DCP2: variants seen among roughly 807,000 people sequenced by gnomAD.
DCP2 encodes decapping mRNA 2, also known as m7GpppN-mRNA hydrolase.
DCP2 carries 30 observed loss-of-function variants against 56.1 expected under a neutral mutation model. The observed-to-expected ratio is 0.53, with a 90% CI of 0.40 to 0.73. The LOEUF is 0.73. DCP2 is among the 30% of genes least tolerant of loss of function. The pLI, the probability that DCP2 is intolerant of heterozygous loss-of-function variation, is 0.00. For synonymous variants in DCP2, 197 were observed against 163.3 expected (o/e 1.21, Z -1.57); for missense variants, 533 against 502.7 (o/e 1.06, Z -0.58).
rs1749829191 is a variant in DCP2 at position 113,015,067 on chromosome 5, A to G, written c.*1583A>G. 1 of 152,682 alleles carries G rather than the reference A, an allele frequency of 6.5e-6. No homozygotes were observed. Among genetic ancestry groups the G allele is most frequent in the African/African-American group, 2.4e-5 (1 of 41,474 alleles). 9.5% of individuals were successfully genotyped at this position (152,682 alleles called of 1,614,324 possible). ...CAATTAAAGCAGTGTGTATAGAATT[A>G]TGATATTCAGAATCCTGCATCTTTT... On this transcript the variant is annotated 3_prime_UTR_variant, in exon 11 of 11. Transcript: ENST00000389063.
At chr5:113,013,299 A>G (rs1561707560) in intron 10 of DCP2, 22 bp from the exon 11 acceptor site, 2 of 1,594,742 alleles carry the variant, frequency 1.3e-6, no homozygotes, top group South Asian at 1.1e-5. Context: ...GAGCTTATTT[A>G]TTTTGTTTTT....
rs1369435163 is a variant in DCP2 at position 113,016,925 on chromosome 5, T to G, written c.*3441T>G. 1 of 140,302 alleles carries G rather than the reference T, an allele frequency of 7.1e-6. No homozygotes were observed. Among genetic ancestry groups the G allele is most frequent in the Non-Finnish European group, 1.5e-5 (1 of 66,018 alleles). The allele number at this position is 140,302 out of a possible 1,614,324, so 8.7% of individuals were successfully genotyped here. Reference sequence around the variant, plus strand: ...GGTGCAATTTCGGCTCACCGCAACCTACGCCTCCCGGGTTCAAGTGATTCT... The same window carrying G: ...GGTGCAATTTCGGCTCACCGCAACCGACGCCTCCCGGGTTCAAGTGATTCT... On this transcript the variant is annotated 3_prime_UTR_variant, in exon 11 of 11. Transcript: ENST00000389063.
chr5:113,005,821 T>C (rs1749404001), intron 8 of DCP2, among the ~76,000 whole-genome samples: 1 of 152,220 alleles, frequency 6.6e-6, no homozygotes, highest in African/African-American at 2.4e-5. Context: ...CATTCAGCTT[T>C]AAAGGAATGA....
At chr5:112,984,239 G>A (rs1748141243) in intron 1 of DCP2, 2 of 152,228 alleles carry the variant, frequency 1.3e-5, no homozygotes, top group South Asian at 4.1e-4. Context: ...TGATGGATCT[G>A]AAAAGAAAAT....
At chr5:112,977,970 T>C (rs1336061713) in intron 1 of DCP2, among the ~76,000 whole-genome samples, 1 of 152,028 alleles carries the variant, frequency 6.6e-6, no homozygotes, top group Non-Finnish European at 1.5e-5. Flanking sequence ...TTTTTTTGTT[T>C]GTTTGTTTTT....
At chr5:113,006,752 TTG>T (rs1447017384) in intron 8 of DCP2, among the ~76,000 whole-genome samples, 3 of 152,212 alleles carry the variant, frequency 2.0e-5, no homozygotes, top group African/African-American at 7.2e-5. Context: ...TAAGAATTTT[TTG>T]GTAGGAAAAT....
At chr5:112,982,927 C>T (rs560119080) in intron 1 of DCP2, among the ~76,000 whole-genome samples, 55 of 152,212 alleles carry the variant, frequency 3.6e-4, no homozygotes, top group African/African-American at 1.1e-3. Flanking sequence ...TTCATTAATA[C>T]GCTTCTCCTT....
intron 1 of DCP2, among the ~76,000 whole-genome samples, chr5:112,982,465 CA>C (rs1748052801): frequency 1.3e-5 from 2 of 152,132 alleles, no homozygotes; most frequent in Non-Finnish European, 2.9e-5. Context: ...TGCTTGTGCG[CA>C]TTTTAAGTTA....
At chr5:112,981,671 C>T (rs1375002080) in intron 1 of DCP2, among the ~76,000 whole-genome samples, 1 of 152,136 alleles carries the variant, frequency 6.6e-6, no homozygotes, top group African/African-American at 2.4e-5. Context: ...ATTCTCCGTT[C>T]TTATATCCTA....
At position 113,001,160 on chromosome 5, in the gene DCP2, A is replaced by G. The variant is rs1749158760; in HGVS notation, c.509A>G (p.Gln170Arg). The stretch of plus-strand genomic sequence containing the variant: ...TACATTGAACTTCGAATCAATGACC[A>G]GCTTGCTCGTTTGTACATCATTCCA... ...DDYIELRIND[Q>R]LARLYIIPGI... The change falls in exon 5 of 11, where the codon CAG becomes CGG. Residue 170 changes from glutamine (Q) to arginine (R), a missense_variant. This residue lies in a region of DCP2 where 392 missense variants were observed against 346.6 expected (regional missense o/e 1.13). Coordinates refer to ENST00000389063, the MANE Select transcript of DCP2 (RefSeq NM_152624.6). 6.2e-7 allele frequency: 1 copy of G among 1,613,826 alleles called. No homozygotes were observed. Among genetic ancestry groups the G allele is most frequent in the African/African-American group, 1.3e-5 (1 of 74,932 alleles).
intron 4 of DCP2, 118 bp downstream of exon 4, chr5:112,992,888 A>C: frequency 5.7e-6 from 3 of 530,232 alleles, no homozygotes; most frequent in Non-Finnish European, 8.8e-6. Context: ...ACTTGAGTGC[A>C]TGAAGTAACT....
chr5:113,000,890 A>C (rs1049235199), intron 4 of DCP2, among the ~76,000 whole-genome samples, 194 bp from the exon 5 acceptor site: 1 of 152,204 alleles, frequency 6.6e-6, no homozygotes, highest in Non-Finnish European at 1.5e-5. Flanking sequence ...ACCTGTGGAT[A>C]CAGTATTAGA....
chr5:112,995,146 A>G (rs1748791077), intron 4 of DCP2, among the ~76,000 whole-genome samples: 1 of 152,198 alleles, frequency 6.6e-6, no homozygotes, highest in South Asian at 2.1e-4. Flanking sequence ...TTTAAATTTG[A>G]TATGGAACAG....
Position 113,012,128 on chromosome 5 carries a change from C to T in DCP2, c.1100-1193C>T, listed in dbSNP as rs541421229. Among the ~76,000 whole-genome samples, 25 of 152,046 alleles carry T rather than the reference C, an allele frequency of 1.6e-4. No homozygotes were observed. The South Asian group carries it at 3.7e-3, about 23-fold the overall frequency. On this transcript the variant is annotated intron_variant, in intron 10 of 10. Transcript: ENST00000389063. The stretch of plus-strand genomic sequence containing the variant: ...TTATTTCACAGAATCTTTTAAAAGC[C>T]GTATATTCAGGGACATTAAAAAAGG...
rs533006852 is a variant in DCP2, at chr5:113,007,690, C to T, written c.943-248C>T. ...GGGATTACAGGCATGAGCCACTGCG[C>T]CCGGCCGAGGTGTGGAAAGATTTCT... is the stretch of plus-strand genomic sequence containing the variant. On this transcript the variant is annotated intron_variant, in intron 8 of 10. Transcript: ENST00000389063. 2.4e-4 allele frequency among the ~76,000 whole-genome samples: 36 copies of T among 151,920 alleles called. No homozygotes were observed. In the East Asian group the frequency reaches 5.6e-3, roughly 24 times the overall value.
At chr5:112,998,742 T>G (rs1214389642) in intron 4 of DCP2, among the ~76,000 whole-genome samples, 1 of 152,242 alleles carries the variant, frequency 6.6e-6, no homozygotes, top group Non-Finnish European at 1.5e-5. Context: ...TCGATAAATG[T>G]GTGTGCAGAG....
At position 113,010,827 on chromosome 5, in the gene DCP2, T is replaced by A; in HGVS notation, c.1099+20T>A. On this transcript the variant is annotated intron_variant, in intron 10 of 10. Coordinates refer to ENST00000389063, the MANE Select transcript of DCP2 (RefSeq NM_152624.6). ...AAACAGGCAAGTCATTTCCTATCTT[T>A]TTATAATCTCTGCCTTGTGGGATTT... The A allele has an allele frequency of 6.3e-7, 1 of 1,594,874 alleles. No homozygotes were observed. The highest frequency in any genetic ancestry group is 8.5e-7 in the Non-Finnish European group (1 of 1,175,014).
At chr5:113,006,650 A>G (rs968342243) in intron 8 of DCP2, among the ~76,000 whole-genome samples, 34 of 147,090 alleles carry the variant, frequency 2.3e-4, no homozygotes. Context: ...AGTTCCTCCT[A>G]TTTATTCTAT....
At chr5:113,012,553 G>A (rs995724323) in intron 10 of DCP2, among the ~76,000 whole-genome samples, 4 of 152,026 alleles carry the variant, frequency 2.6e-5, no homozygotes, top group Non-Finnish European at 4.4e-5. Context: ...TCCCTGATCT[G>A]TTTAAAAGGA....
Sources: allele counts gnomAD v4.1 joint callset (sites outside exome capture counted in the v4.1 genomes callset), GRCh38; gene constraint gnomAD v4.1.1; regional missense constraint gnomAD v4.1.1; transcripts MANE v1.5; gene names NCBI Gene and HGNC (gene_info 2026-07-23, HGNC 2026-07-21).